ECHDC3: variants seen among roughly 807,000 people sequenced by gnomAD.
ECHDC3 encodes the protein enoyl-CoA hydratase domain containing 3, also known as enoyl-CoA hydratase domain-containing protein 3, mitochondrial.
A neutral mutation model predicts 17.9 loss-of-function variants in ECHDC3; 20 were observed. The observed-to-expected ratio is 1.12, with a 90% CI of 0.79 to 1.63. The LOEUF (loss-of-function observed/expected upper bound fraction) is 1.63. ECHDC3 is among the 40% of genes most tolerant of loss of function. The probability of loss-of-function intolerance (pLI) is 0.00; values close to 1 mark genes in which losing one functional copy is unlikely to be tolerated. For synonymous variants in ECHDC3, 177 were observed against 149.7 expected, an observed-to-expected ratio of 1.18 and a Z score of -1.33; for missense variants, 407 against 357.7, an observed-to-expected ratio of 1.14 and a Z score of -1.11.
chr10:11,752,736 A>G (rs1832840510), intron 3 of ECHDC3, among the ~76,000 whole-genome samples: 1 of 152,186 alleles, frequency 6.6e-6, no homozygotes, highest in South Asian at 2.1e-4. Context: ...TGGTGCTATT[A>G]TCATGTCCAT....
chr10:11,742,887 C>A, intron 1 of ECHDC3, 141 bp downstream of exon 1: 1 of 1,006,244 alleles, frequency 9.9e-7, no homozygotes, highest in Non-Finnish European at 1.3e-6. Flanking sequence ...GGACCCGGGC[C>A]TGGCAGCGAG....
chr10:11,761,813 C>A (rs1269683029), intron 4 of ECHDC3, among the ~76,000 whole-genome samples: 2 of 152,262 alleles, frequency 1.3e-5, no homozygotes, highest in South Asian at 2.1e-4. Flanking sequence ...TTGTGCTGTA[C>A]TCTGTTTTCC....
At chr10:11,755,668 G>T in intron 4 of ECHDC3, 60 bp downstream of exon 4, 1 of 1,463,132 alleles carries the variant, frequency 6.8e-7, no homozygotes. Context: ...TCCTCCTCCA[G>T]TGCATGCGAT....
intron 3 of ECHDC3, among the ~76,000 whole-genome samples, chr10:11,754,366 A>G (rs1832862053): frequency 6.6e-6 from 1 of 152,140 alleles, no homozygotes; most frequent in Non-Finnish European, 1.5e-5. Flanking sequence ...TACCATAGCA[A>G]CACACTCTGT....
At chr10:11,745,149 G>T (rs1298232678) in intron 1 of ECHDC3, among the ~76,000 whole-genome samples, 1 of 152,216 alleles carries the variant, frequency 6.6e-6, no homozygotes, top group Non-Finnish European at 1.5e-5. Flanking sequence ...AGAAGAGCTT[G>T]GGTGGGGTGG....
At chr10:11,747,301 T>A (rs753059456) in intron 1 of ECHDC3, 48 bp from the exon 2 acceptor site, 47 of 1,602,338 alleles carry the variant, frequency 2.9e-5, no homozygotes, top group Non-Finnish European at 3.9e-5. Context: ...GGGTCCTCAC[T>A]TGTTTTGACT....
rs75082254 is a variant in ECHDC3 at position 11,760,797 on chromosome 10, C to T, written c.592-2427C>T. ...CACTGTCCTGGCCCCGTGCTGTGAC[C>T]TGCTAGGTGTCTTCAGCAGGGTCCT... On this transcript the variant is annotated intron_variant, in intron 4 of 4. Transcript: ENST00000379215. 3.8e-3 allele frequency among the ~76,000 whole-genome samples: 577 copies of T among 152,358 alleles called. 5 individuals are homozygous for T. The highest frequency in any genetic ancestry group is 0.013 in the African/African-American group (543 of 41,588).
chr10:11,761,613 C>G (rs1278737746), intron 4 of ECHDC3, among the ~76,000 whole-genome samples: 2 of 152,278 alleles, frequency 1.3e-5, no homozygotes, highest in Non-Finnish European at 2.9e-5. Context: ...TGCTTGCTCA[C>G]GTGTCTGGCT....
At chr10:11,757,177 T>A (rs1024498067) in intron 4 of ECHDC3, among the ~76,000 whole-genome samples, 2 of 152,204 alleles carry the variant, frequency 1.3e-5, no homozygotes, top group African/African-American at 4.8e-5. Context: ...CAGCTGCTTG[T>A]CCTCTTCAAC....
chr10:11,753,329 G>A (rs1182197561), intron 3 of ECHDC3, among the ~76,000 whole-genome samples: 1 of 152,126 alleles, frequency 6.6e-6, no homozygotes, highest in African/African-American at 2.4e-5. Flanking sequence ...GTTGCAGTGA[G>A]CCAAGATTGT....
Position 11,763,596 on chromosome 10 carries a change from C to A in ECHDC3, c.*52C>A, listed in dbSNP as rs1306249019. On this transcript the variant is annotated 3_prime_UTR_variant, in exon 5 of 5. Coordinates refer to ENST00000379215, the MANE Select transcript of ECHDC3 (RefSeq NM_024693.5). The surrounding 1 kb of genome is among the most constrained non-coding windows in gnomAD (Gnocchi z 4.9). ...GGCAGCGCCCAGGAGCCCACCTTCC[C>A]CTCTGGCCCAGCCACCACTGCCTCT... The A allele has an allele frequency of 2.1e-6, 3 of 1,444,780 alleles. No individual in the cohort carries two copies. Among genetic ancestry groups the A allele is most frequent in the Non-Finnish European group, 9.1e-7 (1 of 1,102,580 alleles). The allele number at this position is 1,444,780 out of a possible 1,614,324, so 89.5% of individuals were successfully genotyped here.
intron 2 of ECHDC3, among the ~76,000 whole-genome samples, chr10:11,748,272 G>T (rs1286013897): frequency 6.6e-6 from 1 of 151,980 alleles, no homozygotes; most frequent in African/African-American, 2.4e-5. Flanking sequence ...CTGTTGCCCA[G>T]GCTGGAGTGC....
At chr10:11,745,337 A>G (rs1832748449) in intron 1 of ECHDC3, among the ~76,000 whole-genome samples, 1 of 152,176 alleles carries the variant, frequency 6.6e-6, no homozygotes. Context: ...AAGATTAAGC[A>G]TACGTCACCG....
intron 1 of ECHDC3, among the ~76,000 whole-genome samples, chr10:11,743,384 C>T (rs1564281114): frequency 6.6e-6 from 1 of 152,258 alleles, no homozygotes; most frequent in Non-Finnish European, 1.5e-5. Flanking sequence ...TGTTCACCTT[C>T]CGAAGAAGAC....
rs192357074 is a variant in ECHDC3, at chr10:11,749,732, G to C, written c.390+140G>C. The C allele has an allele frequency of 5.1e-5, 16 of 314,152 alleles. No homozygotes were observed. In the East Asian group the frequency reaches 1.3e-3, roughly 26 times the overall value. The allele number at this position is 314,152 out of a possible 1,614,324, so 19.5% of individuals were successfully genotyped here. A position where few individuals can be genotyped will look rare whatever the true frequency, so the allele number is the denominator to read the frequency against. ...GCAACTGGAAACTGTTTGGTCATCA[G>C]ATCCTTTATCCCAGCAATCCAGCAA... is the stretch of plus-strand genomic sequence containing the variant. On this transcript the variant is annotated intron_variant, in intron 3 of 4. Coordinates refer to ENST00000379215, the MANE Select transcript of ECHDC3 (RefSeq NM_024693.5).
rs144231845 is a variant in ECHDC3 at position 11,753,307 on chromosome 10, C to T, written c.391-2101C>T. Among the ~76,000 whole-genome samples, 1,184 of 152,132 alleles carry T rather than the reference C, an allele frequency of 7.8e-3. 23 individuals carry two copies. The highest frequency in any genetic ancestry group is 0.027 in the African/African-American group (1,109 of 41,478). ...CTGAGGCAGGAGAGTCACTTGAACC[C>T]GGGAGGCGGAGGTTGCAGTGAGCCA... On this transcript the variant is annotated intron_variant, in intron 3 of 4. Transcript: ENST00000379215.
chr10:11,755,835 T>G (rs1832881847), intron 4 of ECHDC3: 1 of 495,940 alleles, frequency 2.0e-6, no homozygotes, highest in Admixed American at 3.8e-5. Context: ...GGCGTCAATT[T>G]GTGAAATCAC....
intron 4 of ECHDC3, among the ~76,000 whole-genome samples, chr10:11,760,707 C>T (rs552506666): frequency 8.7e-4 from 133 of 152,334 alleles, no homozygotes; most frequent in African/African-American, 3.0e-3. Flanking sequence ...GGAGCTGTGA[C>T]ACGGTCTCCA....
intron 3 of ECHDC3, among the ~76,000 whole-genome samples, chr10:11,753,765 C>A (rs115237047): frequency 1.6e-4 from 18 of 112,042 alleles, no homozygotes; most frequent in African/African-American, 5.2e-4. Flanking sequence ...TCTGTGCATT[C>A]TTCTTCTTTT....
Sources: allele counts gnomAD v4.1 joint callset (sites outside exome capture counted in the v4.1 genomes callset), GRCh38; gene constraint gnomAD v4.1.1; non-coding constraint Gnocchi (gnomAD v3.1); transcripts MANE v1.5; gene names NCBI Gene and HGNC (gene_info 2026-07-23, HGNC 2026-07-21).